MPV17: variants seen among roughly 807,000 people sequenced by gnomAD.
The protein encoded by MPV17 is mitochondrial inner membrane protein MPV17.
Under a neutral mutation model 28.6 loss-of-function variants are expected in MPV17, and 31 were observed. The ratio of observed to expected loss-of-function variants is 1.08; its 90% CI spans 0.81 to 1.46. MPV17 has a LOEUF of 1.46. Among genes scored for constraint, MPV17 ranks in the 40% most tolerant of loss-of-function variants. The pLI is 0.00. For missense variants in MPV17, 198 were observed against 216.2 expected (o/e 0.92, Z 0.53); for synonymous variants, 87 against 85.3 (o/e 1.02, Z -0.11).
In MPV17 at chr2:27,317,402, T is replaced by G. The variant is rs1189523153; in HGVS notation, c.71-4293A>C. 6.6e-6 allele frequency among the ~76,000 whole-genome samples: 1 copy of G among 151,990 alleles called. No individual in the cohort carries two copies. The highest frequency in any genetic ancestry group is 2.4e-5 in the African/African-American group (1 of 41,372). On this transcript the variant is annotated intron_variant, in intron 2 of 7. Transcript: ENST00000380044. The surrounding 1 kb of genome is among the most constrained non-coding windows in gnomAD (Gnocchi z 4.0). ...CTGCTAGAAAATGAGACAAAACGGG[T>G]AGTTTTGCAGCTTGTTACGTATCTA...
rs975013942 is a variant in MPV17, at chr2:27,317,259, G to A, written c.71-4150C>T. ...TCTGCAAACATTAGTTAGCTGCCTAGGATAGGGGCTCAGTCTGGCACAGAG... is the reference window on the plus strand; with the variant it reads ...TCTGCAAACATTAGTTAGCTGCCTAAGATAGGGGCTCAGTCTGGCACAGAG... On this transcript the variant is annotated intron_variant, in intron 2 of 7. Coordinates refer to ENST00000380044, the MANE Select transcript of MPV17 (RefSeq NM_002437.5). The surrounding 1 kb of genome is among the most constrained non-coding windows in gnomAD (Gnocchi z 4.0). The A allele has an allele frequency of 3.9e-6, 6 of 1,524,336 alleles. No individual in the cohort carries two copies. In the African/African-American group the frequency reaches 8.3e-5, roughly 21 times the overall value. 94.4% of individuals were successfully genotyped at this position (1,524,336 alleles called of 1,614,324 possible). A position where few individuals can be genotyped will look rare whatever the true frequency, so the allele number is the denominator to read the frequency against.
chr2:27,319,329 T>C (rs879533681), intron 2 of MPV17, among the ~76,000 whole-genome samples: 2 of 151,330 alleles, frequency 1.3e-5, no homozygotes, highest in Admixed American at 1.3e-4. Context: ...GAATAAAGCT[T>C]GGGCAATATG....
rs1300558293 is a variant in MPV17 at position 27,312,566 on chromosome 2, T to A, written c.303A>T (p.Leu101=). 6.2e-7 allele frequency: 1 copy of A among 1,614,136 alleles called. No homozygotes were observed. The highest frequency in any genetic ancestry group is 2.2e-5 in the East Asian group (1 of 44,886). The change falls in exon 5 of 8, where the codon CTA becomes CTT. Residue 101 remains leucine, a synonymous_variant. Coordinates refer to ENST00000380044, the MANE Select transcript of MPV17 (RefSeq NM_002437.5). ...LDQGGFAPCF[L]GCFLPLVGAL... is the part of the protein sequence containing the mutation. ...CCCCTACCAGTGGGAGAAAGCAGCC[T>A]AGAAAACACGGGGCAAAGCCCCCCT...
In MPV17 at chr2:27,317,020, C is replaced by A. The variant is rs1679679718; in HGVS notation, c.71-3911G>T. Reference sequence around the variant, plus strand: ...GGAAAAGCCCCAACTTCCACACCCTCTTCCCGGGCATGGGCAGGGTAAATT... The same window carrying A: ...GGAAAAGCCCCAACTTCCACACCCTATTCCCGGGCATGGGCAGGGTAAATT... On this transcript the variant is annotated intron_variant, in intron 2 of 7. Transcript: ENST00000380044. The surrounding 1 kb of genome is among the most constrained non-coding windows in gnomAD (Gnocchi z 4.0). The A allele has an allele frequency of 6.8e-7, 1 of 1,465,676 alleles. No homozygotes were observed. The highest frequency in any genetic ancestry group is 1.4e-5 in the African/African-American group (1 of 71,018). 90.8% of individuals were successfully genotyped at this position (1,465,676 alleles called of 1,614,324 possible). A position where few individuals can be genotyped will look rare whatever the true frequency, so the allele number is the denominator to read the frequency against.
chr2:27,314,284 T>C (rs1049597725), intron 2 of MPV17, among the ~76,000 whole-genome samples: 2 of 152,002 alleles, frequency 1.3e-5, no homozygotes, highest in African/African-American at 4.8e-5. Context: ...GATCACGCCA[T>C]TACACTGCTG....
At position 27,309,633 on chromosome 2, in the gene MPV17, T is replaced by G; in HGVS notation, c.*279A>C. 1.7e-6 allele frequency: 1 copy of G among 593,852 alleles called. No homozygotes were observed. 36.8% of individuals were successfully genotyped at this position (593,852 alleles called of 1,614,324 possible). ...TATGAAGAGTGGGGATGAGTGGCAT[T>G]TGCTGGGATATGGGTGTAAAGTTGA... On this transcript the variant is annotated 3_prime_UTR_variant, in exon 8 of 8. Transcript: ENST00000380044.
intron 7 of MPV17, chr2:27,311,493 T>C: frequency 9.1e-7 from 1 of 1,103,924 alleles, no homozygotes; most frequent in Non-Finnish European, 1.3e-6. Context: ...AGTGCCACTA[T>C]CTTTTTGGGT....
At chr2:27,321,306 C>T (rs1030911498) in intron 2 of MPV17, among the ~76,000 whole-genome samples, 1 of 152,170 alleles carries the variant, frequency 6.6e-6, no homozygotes, top group Non-Finnish European at 1.5e-5. Flanking sequence ...GGCTGACGGA[C>T]GCTGAGGACA....
chr2:27,311,342 T>C (rs1291006257), intron 7 of MPV17: 1 of 501,214 alleles, frequency 2.0e-6, no homozygotes, highest in Non-Finnish European at 3.6e-6. Context: ...ATTACAGGTG[T>C]GAGCCACCGT....
chr2:27,313,470 G>A, intron 2 of MPV17: 1 of 531,260 alleles, frequency 1.9e-6, no homozygotes, highest in Non-Finnish European at 3.4e-6. Context: ...ATAATTTAAT[G>A]CAAACCACTT....
Position 27,317,147 on chromosome 2 carries a change from G to A in MPV17, c.71-4038C>T. The A allele has an allele frequency of 6.5e-7, 1 of 1,550,386 alleles. No homozygotes were observed. Among genetic ancestry groups the A allele is most frequent in the Non-Finnish European group, 8.7e-7 (1 of 1,146,948 alleles). Reference sequence around the variant, plus strand: ...AAGTGGCTTCTTGGAGTGAGGAGCAGGAAGCGTGTCCTTCAGTCCAGGAGG... The same window carrying A: ...AAGTGGCTTCTTGGAGTGAGGAGCAAGAAGCGTGTCCTTCAGTCCAGGAGG... On this transcript the variant is annotated intron_variant, in intron 2 of 7. Transcript: ENST00000380044. This position sits in a 1 kb window ranked among gnomAD's most constrained non-coding sequence, Gnocchi z 4.0.
intron 2 of MPV17, 187 bp from the exon 3 acceptor site, chr2:27,313,296 C>T: frequency 4.5e-6 from 6 of 1,339,606 alleles, no homozygotes; most frequent in Non-Finnish European, 6.2e-6. Flanking sequence ...ATGGTGACAC[C>T]TCATGTGTAT....
chr2:27,316,056 A>C (rs1679638076), intron 2 of MPV17: 6 of 1,549,954 alleles, frequency 3.9e-6, no homozygotes, highest in East Asian at 2.4e-5. Flanking sequence ...TTCCTGCCCA[A>C]GTGAGGCCCC....
At chr2:27,315,195 T>C (rs936856002) in intron 2 of MPV17, among the ~76,000 whole-genome samples, 1 of 152,194 alleles carries the variant, frequency 6.6e-6, no homozygotes. Flanking sequence ...AAACGTCAAA[T>C]GTACTGTCCC....
chr2:27,322,931 G>A, intron 1 of MPV17, 121 bp downstream of exon 1: 1 of 278,398 alleles, frequency 3.6e-6, no homozygotes, highest in African/African-American at 2.2e-5. Flanking sequence ...ACCTTCCTGA[G>A]TCCAGCTCCA....
At chr2:27,311,657 G>A (rs893301927) in intron 7 of MPV17, 3 of 1,550,766 alleles carry the variant, frequency 1.9e-6, no homozygotes, top group African/African-American at 2.7e-5. Context: ...GGAGACAAGG[G>A]TGGTAGAAGC....
At chr2:27,311,372 G>C in intron 7 of MPV17, 2 of 569,330 alleles carry the variant, frequency 3.5e-6, no homozygotes, top group Non-Finnish European at 3.1e-6. Flanking sequence ...GTCTGTATTC[G>C]TTTTAGCTAT....
chr2:27,321,801 T>G (rs1679869008), intron 2 of MPV17, among the ~76,000 whole-genome samples: 1 of 152,160 alleles, frequency 6.6e-6, no homozygotes, highest in Admixed American at 6.5e-5. Context: ...TATACTAACC[T>G]TGGAGATACA....
intron 2 of MPV17, among the ~76,000 whole-genome samples, chr2:27,315,204 C>T (rs1266757272): frequency 6.6e-6 from 1 of 152,216 alleles, no homozygotes; most frequent in Non-Finnish European, 1.5e-5. Flanking sequence ...ATGTACTGTC[C>T]CAAACAGCAG....
Sources: allele counts gnomAD v4.1 joint callset (sites outside exome capture counted in the v4.1 genomes callset), GRCh38; gene constraint gnomAD v4.1.1; non-coding constraint Gnocchi (gnomAD v3.1); transcripts MANE v1.5; gene names NCBI Gene and HGNC (gene_info 2026-07-23, HGNC 2026-07-21).